SOX6: variants seen among roughly 807,000 people sequenced by gnomAD.
SOX6 encodes SRY-box transcription factor 6.
A neutral mutation model predicts 97.8 loss-of-function variants in SOX6; 11 were observed. That is an observed-to-expected ratio of 0.11 (90% CI 0.07 to 0.19). The LOEUF (loss-of-function observed/expected upper bound fraction) is 0.19, where lower values mean the gene tolerates loss of function less well. Ranked by LOEUF, SOX6 falls within the 10% of genes least tolerant of loss-of-function variation. The pLI, the probability that SOX6 is intolerant of heterozygous loss-of-function variation, is 1.00. For synonymous variants in SOX6, 360 were observed against 371.4 expected (o/e 0.97, Z 0.35); for missense variants, 810 against 1,039.5 (o/e 0.78, Z 3.04).
chr11:16,636,346 A>C (rs1848789517), intron 3 of SOX6, among the ~76,000 whole-genome samples: 1 of 152,202 alleles, frequency 6.6e-6, no homozygotes, highest in African/African-American at 2.4e-5. Flanking sequence ...TCAGACTTGC[A>C]TGGTGCCTGT....
In SOX6 at chr11:16,613,205, C is replaced by T. The variant is rs910310951; in HGVS notation, n.430-945G>A. Reference sequence around the variant, plus strand: ...CTCAGTTCTAGGAACCGTGTCCTTTCGTCCCGGAGGTAAGATTGTGTGACT... The same window carrying T: ...CTCAGTTCTAGGAACCGTGTCCTTTTGTCCCGGAGGTAAGATTGTGTGACT... On this transcript the variant is annotated intron_variant and non_coding_transcript_variant, in intron 3 of 5. Transcript: ENST00000524520. This position sits in a 1 kb window ranked among gnomAD's most constrained non-coding sequence, Gnocchi z 4.6. 1 of 152,188 alleles carries T rather than the reference C, an allele frequency of 6.6e-6. No individual in the cohort carries two copies. Among genetic ancestry groups the T allele is most frequent in the African/African-American group, 2.4e-5 (1 of 41,404 alleles). The allele number at this position is 152,188 out of a possible 1,614,324, so 9.4% of individuals were successfully genotyped here.
At chr11:16,505,027 A>G (rs1411790637) in intron 4 of SOX6, among the ~76,000 whole-genome samples, 2 of 152,210 alleles carry the variant, frequency 1.3e-5, no homozygotes. Context: ...AAATTTGCAA[A>G]AAGGAAAGTG....
chr11:16,560,011 T>C (rs1847790855), intron 4 of SOX6, among the ~76,000 whole-genome samples: 1 of 152,198 alleles, frequency 6.6e-6, no homozygotes, highest in Non-Finnish European at 1.5e-5. Context: ...GGTGTCAGAC[T>C]ACAACCATAG....
intron 1 of SOX6, among the ~76,000 whole-genome samples, chr11:16,413,943 G>A (rs1039509): frequency 6.6e-6 from 1 of 152,170 alleles, no homozygotes; most frequent in Non-Finnish European, 1.5e-5. Context: ...GGGACTGGAA[G>A]GAGAACATAA....
chr11:16,307,536 T>C (rs1434259520), intron 3 of SOX6, among the ~76,000 whole-genome samples: 1 of 152,158 alleles, frequency 6.6e-6, no homozygotes, highest in East Asian at 1.9e-4. Context: ...CTCTCCCCTG[T>C]CCATAACATA....
intron 6 of SOX6, among the ~76,000 whole-genome samples, chr11:16,159,415 T>C (rs1850684550): frequency 6.6e-6 from 1 of 152,122 alleles, no homozygotes; most frequent in South Asian, 2.1e-4. Flanking sequence ...TACGTGAAAA[T>C]AAATTGGTGT....
chr11:16,495,499 C>T (rs1353718420), intron 4 of SOX6, among the ~76,000 whole-genome samples: 1 of 152,170 alleles, frequency 6.6e-6, no homozygotes, highest in Non-Finnish European at 1.5e-5. Flanking sequence ...AAGTACTCCT[C>T]CTGGGAACCT....
At chr11:16,057,447 ACT>A (rs772979018) in intron 9 of SOX6, among the ~76,000 whole-genome samples, 9 of 151,904 alleles carry the variant, frequency 5.9e-5, no homozygotes, top group Non-Finnish European at 1.0e-4. Flanking sequence ...AATCAGTAAA[ACT>A]CTACCCAACG....
At chr11:16,597,632 A>G (rs1173359195) in intron 4 of SOX6, among the ~76,000 whole-genome samples, 1 of 151,970 alleles carries the variant, frequency 6.6e-6, no homozygotes, top group Non-Finnish European at 1.5e-5. Context: ...AACAAAACAG[A>G]TTGAGATGGG....
chr11:16,271,360 A>G (rs1032477099), intron 3 of SOX6, among the ~76,000 whole-genome samples: 1 of 151,430 alleles, frequency 6.6e-6, no homozygotes, highest in Admixed American at 6.6e-5. Flanking sequence ...GTCTAGGTAT[A>G]ACGTTATAGT....
At chr11:16,471,417 A>G (rs1010824794) in intron 1 of SOX6, among the ~76,000 whole-genome samples, 2 of 151,580 alleles carry the variant, frequency 1.3e-5, no homozygotes, top group South Asian at 2.1e-4. Context: ...TTCATTATGG[A>G]TGTGCAAAAC....
chr11:16,402,086 C>G (rs189754357), intron 1 of SOX6, among the ~76,000 whole-genome samples: 64 of 151,166 alleles, frequency 4.2e-4, no homozygotes, highest in African/African-American at 1.4e-3. Context: ...ATTTTAAACC[C>G]AGAAAGGGTG....
At chr11:16,333,516 G>T (rs1027980880) in intron 2 of SOX6, among the ~76,000 whole-genome samples, 22 of 152,026 alleles carry the variant, frequency 1.4e-4, no homozygotes, top group African/African-American at 4.8e-4. Context: ...TGCTCATAGA[G>T]TTCTGCTTTA....
At chr11:16,326,581 T>G (rs1204064814) in intron 2 of SOX6, among the ~76,000 whole-genome samples, 1 of 152,224 alleles carries the variant, frequency 6.6e-6, no homozygotes, top group East Asian at 1.9e-4. Context: ...TTCTAAGTCT[T>G]TTTGTTTCCA....
intron 13 of SOX6, among the ~76,000 whole-genome samples, chr11:16,011,529 G>A (rs1300804375): frequency 1.3e-5 from 2 of 152,056 alleles, no homozygotes. Context: ...TGATTTTGAT[G>A]AGTGGTTAAT....
upstream of SOX6, among the ~76,000 whole-genome samples, chr11:16,480,513 A>C (rs1860324819): frequency 6.6e-6 from 1 of 152,188 alleles, no homozygotes; most frequent in South Asian, 2.1e-4. Context: ...AATAGGTAAT[A>C]GATCAAAGGT....
intron 3 of SOX6, among the ~76,000 whole-genome samples, chr11:16,714,236 C>G (rs1183003864): frequency 1.3e-5 from 2 of 151,726 alleles, no homozygotes; most frequent in Non-Finnish European, 2.9e-5. Flanking sequence ...AAATTATGTA[C>G]AGCATTGTTG....
chr11:16,727,814 T>G (rs1165111506), intron 2 of SOX6, among the ~76,000 whole-genome samples: 2 of 152,150 alleles, frequency 1.3e-5, no homozygotes, highest in African/African-American at 2.4e-5. Flanking sequence ...TTTTTTAATT[T>G]TTTTCAACTT....
intron 4 of SOX6, among the ~76,000 whole-genome samples, chr11:16,218,905 GTACTTTTCT>G (rs1188500837): frequency 6.6e-6 from 1 of 151,936 alleles, no homozygotes; most frequent in Non-Finnish European, 1.5e-5. Context: ...CGTGAAACAT[GTACTTTTCT>G]TACCAGTTCA....
Sources: allele counts gnomAD v4.1 joint callset (sites outside exome capture counted in the v4.1 genomes callset), GRCh38; gene constraint gnomAD v4.1.1; non-coding constraint Gnocchi (gnomAD v3.1); transcripts MANE v1.5; gene names NCBI Gene and HGNC (gene_info 2026-07-23, HGNC 2026-07-21).